Variants in KANSL1 observed in about 807,000 individuals in gnomAD.
The protein encoded by KANSL1 is MLL1/MLL complex subunit KANSL1.
In KANSL1, 22 loss-of-function variants were observed where a neutral mutation model predicts 103.6. The ratio of observed to expected loss-of-function variants is 0.21; its 90% CI spans 0.15 to 0.30. The LOEUF (loss-of-function observed/expected upper bound fraction) is 0.30. Ranked by LOEUF, KANSL1 falls within the 10% of genes least tolerant of loss-of-function variation. The pLI, the probability that KANSL1 is intolerant of heterozygous loss-of-function variation, is 1.00. For synonymous variants in KANSL1, 600 were observed against 527.6 expected (o/e 1.14, Z -1.88); for missense variants, 1,337 against 1,399.8 (o/e 0.96, Z 0.72).
chr17:46,189,031 CAAAAAAAAAAAAAAAAAAAAAA>C (rs57566816), intron 1 of KANSL1, among the ~76,000 whole-genome samples: 1 of 62,380 alleles, frequency 1.6e-5, no homozygotes, highest in South Asian at 7.9e-4. Context: ...AAGATTGTCT[CAAAAAAAAAAAAAAAAAAAAAA>C]AAAAAAAAAA....
At chr17:46,194,769 A>G (rs901265896), upstream of KANSL1, among the ~76,000 whole-genome samples, 2 of 152,232 alleles carry the variant, frequency 1.3e-5, no homozygotes, top group Non-Finnish European at 2.9e-5. Flanking sequence ...ACCAGAACCA[A>G]TATCCGGCAT....
At chr17:46,143,283 C>T (rs547910136) in intron 2 of KANSL1, among the ~76,000 whole-genome samples, 4 of 151,918 alleles carry the variant, frequency 2.6e-5, no homozygotes, top group Admixed American at 6.6e-5. Flanking sequence ...CACCTGAAGT[C>T]AGGAGTTCAA....
chr17:46,031,839 C>T (rs2077017288), intron 14 of KANSL1, 136 bp from the exon 15 acceptor site: 2 of 1,039,766 alleles, frequency 1.9e-6, no homozygotes, highest in South Asian at 1.6e-5. Context: ...CTGGGAACAC[C>T]CCTCCTAGGG....
At chr17:46,137,866 C>CAAAA (rs368446805) in intron 2 of KANSL1, among the ~76,000 whole-genome samples, 5 of 92,488 alleles carry the variant, frequency 5.4e-5, no homozygotes, top group Admixed American at 4.6e-4. Flanking sequence ...GACTCTGTCT[C>CAAAA]AAAAAAAAAA....
chr17:46,137,447 C>G (rs917439054), intron 2 of KANSL1, among the ~76,000 whole-genome samples: 3 of 152,314 alleles, frequency 2.0e-5, no homozygotes, highest in Non-Finnish European at 2.9e-5. Flanking sequence ...AAATGATTCT[C>G]GCAGCCCAGC....
chr17:46,201,761 C>T (rs2047813193), intron 1 of KANSL1, among the ~76,000 whole-genome samples: 3 of 151,624 alleles, frequency 2.0e-5, no homozygotes, highest in Admixed American at 2.0e-4. Flanking sequence ...GTAATCCCAA[C>T]ACTGGAAAGC....
rs77429287 is a variant in KANSL1, at chr17:46,102,617, T to C, written c.1290-7916A>G. ...CCCTTGAAATTGAACACAGCACTTT[T>C]GTCTTACTACTTCAACTAGATTACC... On this transcript the variant is annotated intron_variant, in intron 2 of 14. Transcript: ENST00000432791. Among the ~76,000 whole-genome samples the C allele has an allele frequency of 1.1e-3, 164 of 152,352 alleles. 3 individuals carry two copies. The East Asian group carries it at 0.023, about 21-fold the overall frequency.
chr17:46,039,204 G>A lies in KANSL1; in HGVS notation c.2215C>T (p.His739Tyr). ...SFLTTAKLSH[H>Y]QTRPDRTHRQ... is the part of the protein sequence containing the mutation. The stretch of plus-strand genomic sequence containing the variant: ...TGGGTCCTGTCAGGCCGGGTTTGGT[G>A]ATGGGACAGCTCTGAAGAGGGGAAC... Residue 739 changes from histidine (H) to tyrosine (Y), a missense_variant, in exon 9 of 15, where the codon CAC (histidine) becomes TAC (tyrosine). This residue lies in a region of KANSL1 where 780 missense variants were observed against 923.4 expected (regional missense o/e 0.84). Coordinates refer to ENST00000432791, the MANE Select transcript of KANSL1 (RefSeq NM_015443.4). 6.3e-7 allele frequency: 1 copy of A among 1,586,880 alleles called. No individual in the cohort carries two copies.
chr17:46,166,969 T>C (rs1480269435), intron 2 of KANSL1, among the ~76,000 whole-genome samples: 2 of 150,170 alleles, frequency 1.3e-5, no homozygotes, highest in Admixed American at 6.6e-5. Flanking sequence ...GTTATTTTTA[T>C]ACTGAACTTC....
At chr17:46,221,012 T>TC (rs2048516858) in intron 1 of KANSL1, among the ~76,000 whole-genome samples, 1 of 143,522 alleles carries the variant, frequency 7.0e-6, no homozygotes, top group Non-Finnish European at 1.5e-5. Flanking sequence ...TTTTTTTTTT[T>TC]GCATACATAC....
Position 46,172,090 on chromosome 17 carries a change from G to A in KANSL1, c.54C>T (p.Ile18=). 6.2e-7 allele frequency: 1 copy of A among 1,612,654 alleles called. No individual in the cohort carries two copies. Among genetic ancestry groups the A allele is most frequent in the Non-Finnish European group, 8.5e-7 (1 of 1,180,048 alleles). Residue 18 remains isoleucine (I), a synonymous_variant, in exon 2 of 15, where the codon ATC becomes ATT. Transcript: ENST00000432791. The part of the protein sequence containing the change: ...LTDAAAEAHH[I]RFKLAPPSST... ...AGGATGGGGGAGCCAGTTTGAACCG[G>A]ATATGGTGTGCTTCAGCTGCTGCGT...
intron 2 of KANSL1, among the ~76,000 whole-genome samples, chr17:46,122,244 C>G (rs913118164): frequency 6.6e-6 from 1 of 152,190 alleles, no homozygotes; most frequent in African/African-American, 2.4e-5. Context: ...GCCCCTCTAT[C>G]AGAAAAAAAT....
At chr17:46,105,949 C>CACACACACACACACACACACACA (rs1567680988) in intron 2 of KANSL1, among the ~76,000 whole-genome samples, 31 of 49,300 alleles carry the variant, frequency 6.3e-4, no homozygotes, top group African/African-American at 1.8e-3. Context: ...ACACACACAC[C>CACACACACACACACACACACACA]CCCCCAGAAG....
chr17:46,057,555 AAC>A (rs1364278521), intron 6 of KANSL1, among the ~76,000 whole-genome samples: 2 of 152,172 alleles, frequency 1.3e-5, no homozygotes, highest in African/African-American at 2.4e-5. Context: ...GTTGATAACA[AAC>A]AGTTTAGTCA....
At chr17:46,047,819 C>CA (rs556959980) in intron 7 of KANSL1, among the ~76,000 whole-genome samples, 34,939 of 136,756 alleles carry the variant, frequency 0.26, 5,366 homozygotes, top group South Asian at 0.5. Flanking sequence ...AAAAAAAAAA[C>CA]AAAAAAAAAA....
chr17:46,166,213 C>CAAAAAAAAAAAAAA (rs147552413), intron 2 of KANSL1, among the ~76,000 whole-genome samples: 2 of 95,104 alleles, frequency 2.1e-5, no homozygotes, highest in Non-Finnish European at 2.1e-5. Context: ...GACTCTGTCT[C>CAAAAAAAAAAAAAA]AAAAAAAAAA....
At chr17:46,115,523 A>G (rs1441168438) in intron 2 of KANSL1, among the ~76,000 whole-genome samples, 1 of 152,190 alleles carries the variant, frequency 6.6e-6, no homozygotes, top group African/African-American at 2.4e-5. Context: ...AATCCCAAGG[A>G]AAGTATACAT....
intron 2 of KANSL1, among the ~76,000 whole-genome samples, chr17:46,161,444 A>AG: frequency 6.6e-6 from 1 of 152,026 alleles, no homozygotes; most frequent in East Asian, 1.9e-4. Context: ...TCAAAAAAAA[A>AG]AAAACCTTGT....
chr17:46,178,180 A>G (rs2046618915), intron 1 of KANSL1, among the ~76,000 whole-genome samples: 1 of 152,232 alleles, frequency 6.6e-6, no homozygotes, highest in Non-Finnish European at 1.5e-5. Context: ...AATGTAAAGC[A>G]GGGAAAGACT....
Sources: allele counts gnomAD v4.1 joint callset (sites outside exome capture counted in the v4.1 genomes callset), GRCh38; gene constraint gnomAD v4.1.1; regional missense constraint gnomAD v4.1.1; transcripts MANE v1.5; gene names NCBI Gene and HGNC (gene_info 2026-07-23, HGNC 2026-07-21).